The following DIAPH3 variants were observed in gnomAD, a reference collection of about 807,000 sequenced individuals.
DIAPH3 encodes protein diaphanous homolog 3.
In DIAPH3, 117 loss-of-function variants were observed where a neutral mutation model predicts 144.3. The observed-to-expected ratio is 0.81, with a 90% confidence interval of 0.70 to 0.95. The LOEUF (loss-of-function observed/expected upper bound fraction) is 0.95. Among genes scored for constraint, DIAPH3 ranks in the 40% least tolerant of loss-of-function variants. The probability of loss-of-function intolerance (pLI) is 0.00; values close to 1 mark genes in which losing one functional copy is unlikely to be tolerated. For synonymous variants in DIAPH3, 519 were observed against 488.9 expected, an observed-to-expected ratio of 1.06 and a Z score of -0.81; for missense variants, 1,421 against 1,412.7, an observed-to-expected ratio of 1.01 and a Z score of -0.09.
intron 15 of DIAPH3, among the ~76,000 whole-genome samples, chr13:59,972,590 G>C (rs2140594734): frequency 6.6e-6 from 1 of 152,240 alleles, no homozygotes; most frequent in South Asian, 2.1e-4. Context: ...CAAATCAAAA[G>C]CATGCCTTAT....
intron 4 of DIAPH3, among the ~76,000 whole-genome samples, chr13:60,081,298 G>C (rs578171839): frequency 2.6e-5 from 4 of 152,076 alleles, no homozygotes; most frequent in African/African-American, 9.6e-5. Flanking sequence ...ACTATTTGTA[G>C]GTCATGGACC....
chr13:60,104,220 T>C (rs2138002041), intron 3 of DIAPH3, among the ~76,000 whole-genome samples: 2 of 152,344 alleles, frequency 1.3e-5, no homozygotes, highest in African/African-American at 4.8e-5. Flanking sequence ...TAAAATATTT[T>C]GCCTATCAGC....
chr13:59,742,094 A>T (rs576793329), intron 27 of DIAPH3, among the ~76,000 whole-genome samples: 12 of 151,986 alleles, frequency 7.9e-5, no homozygotes, highest in African/African-American at 2.7e-4. Flanking sequence ...GTGCAGGGGA[A>T]CTCCCATTTA....
chr13:60,056,202 T>C (rs929149388), intron 4 of DIAPH3, among the ~76,000 whole-genome samples: 6 of 148,852 alleles, frequency 4.0e-5, no homozygotes, highest in African/African-American at 1.5e-4. Flanking sequence ...AATACATATA[T>C]TATCTATTAT....
intron 4 of DIAPH3, among the ~76,000 whole-genome samples, chr13:60,056,199 ATATTATC>A (rs1566720202): frequency 6.7e-6 from 1 of 149,476 alleles, no homozygotes; most frequent in African/African-American, 2.4e-5. Context: ...TAAAATACAT[ATATTATC>A]TATTATCTAT....
At chr13:59,774,909 T>C (rs2038318646) in intron 25 of DIAPH3, 86 bp from the exon 26 acceptor site, 4 of 1,113,038 alleles carry the variant, frequency 3.6e-6, no homozygotes, top group East Asian at 2.4e-5. Context: ...GTGATGGTGA[T>C]GGTAGGGAGA....
At chr13:59,785,545 G>T (rs537371889) in intron 25 of DIAPH3, among the ~76,000 whole-genome samples, 1 of 151,972 alleles carries the variant, frequency 6.6e-6, no homozygotes, top group Non-Finnish European at 1.5e-5. Flanking sequence ...GATTAAGCAA[G>T]GTATAAAGAG....
rs142121446 is a variant in DIAPH3 at position 60,003,344 on chromosome 13, T to C, written c.1014+5200A>G. Among the ~76,000 whole-genome samples, 119 of 152,256 alleles carry C rather than the reference T, an allele frequency of 7.8e-4. 1 individual carries two copies. In the East Asian group the frequency reaches 0.02, roughly 25 times the overall value. ...GATGAAATCTGTTCAATTTGTTTCA[T>C]AGCATATTTAATTTTGTAATAACAT... is the stretch of plus-strand genomic sequence containing the variant. On this transcript the variant is annotated intron_variant, in intron 9 of 27. Transcript: ENST00000400324.
At chr13:60,108,106 A>T (rs913716440) in intron 3 of DIAPH3, among the ~76,000 whole-genome samples, 2 of 152,226 alleles carry the variant, frequency 1.3e-5, no homozygotes, top group Non-Finnish European at 2.9e-5. Flanking sequence ...GCTGCACTTA[A>T]CAGACATTTG....
chr13:60,097,211 A>G (rs2058129563), intron 3 of DIAPH3, among the ~76,000 whole-genome samples: 1 of 152,174 alleles, frequency 6.6e-6, no homozygotes, highest in Non-Finnish European at 1.5e-5. Context: ...TCTAATTTGG[A>G]TGTTATCCCA....
chr13:60,062,524 C>G (rs1447893664), intron 4 of DIAPH3, among the ~76,000 whole-genome samples: 1 of 151,954 alleles, frequency 6.6e-6, no homozygotes, highest in African/African-American at 2.4e-5. Context: ...CTGACATCTA[C>G]CAAGCACAAC....
intron 17 of DIAPH3, among the ~76,000 whole-genome samples, chr13:59,958,866 A>AC: frequency 7.6e-6 from 1 of 132,030 alleles, no homozygotes; most frequent in Non-Finnish European, 1.6e-5. Flanking sequence ...ACTTCAATAA[A>AC]CTTTTTTTTT....
At chr13:59,791,408 T>C (rs537385835) in intron 25 of DIAPH3, among the ~76,000 whole-genome samples, 2 of 152,312 alleles carry the variant, frequency 1.3e-5, no homozygotes, top group South Asian at 4.1e-4. Context: ...TTTACCTAGA[T>C]TTTCTAATTT....
chr13:60,079,135 A>C (rs1444106676), intron 4 of DIAPH3, among the ~76,000 whole-genome samples: 1 of 152,114 alleles, frequency 6.6e-6, no homozygotes, highest in Non-Finnish European at 1.5e-5. Flanking sequence ...CTGAGGGAAA[A>C]ATAAAACAAG....
At chr13:59,986,948 C>A (rs1252821332) in intron 12 of DIAPH3, among the ~76,000 whole-genome samples, 1 of 150,720 alleles carries the variant, frequency 6.6e-6, no homozygotes, top group Non-Finnish European at 1.5e-5. Flanking sequence ...CTAGAAATAC[C>A]ATTTGACCCA....
intron 21 of DIAPH3, among the ~76,000 whole-genome samples, chr13:59,873,018 G>A (rs556360781): frequency 2.0e-5 from 3 of 152,220 alleles, no homozygotes; most frequent in Admixed American, 6.5e-5. Flanking sequence ...TACCAAAAAC[G>A]CTATTTAGAA....
At chr13:60,018,403 A>T (rs1271200249) in intron 5 of DIAPH3, among the ~76,000 whole-genome samples, 1 of 152,168 alleles carries the variant, frequency 6.6e-6, no homozygotes, top group Non-Finnish European at 1.5e-5. Context: ...ACACAAATCC[A>T]TGTAAATCAG....
chr13:59,675,911 C>A (rs1165313013), intron 27 of DIAPH3, among the ~76,000 whole-genome samples: 1 of 152,112 alleles, frequency 6.6e-6, no homozygotes, highest in African/African-American at 2.4e-5. Context: ...TAATAACTTG[C>A]GAGCTGTATT....
intron 17 of DIAPH3, among the ~76,000 whole-genome samples, chr13:59,937,439 A>G (rs1414189816): frequency 2.6e-5 from 4 of 152,224 alleles, no homozygotes; most frequent in African/African-American, 9.6e-5. Flanking sequence ...TCGAATGGAA[A>G]GAGTTGATAA....
Sources: allele counts gnomAD v4.1 joint callset (sites outside exome capture counted in the v4.1 genomes callset), GRCh38; gene constraint gnomAD v4.1.1; transcripts MANE v1.5; gene names NCBI Gene and HGNC (gene_info 2026-07-23, HGNC 2026-07-21).